SKA1: variants seen among roughly 807,000 people sequenced by gnomAD.
SKA1 encodes SKA complex subunit 1.
SKA1 carries 20 observed loss-of-function variants against 31.8 expected under a neutral mutation model. The observed-to-expected ratio is 0.63, with a 90% confidence interval of 0.44 to 0.91. SKA1 has a LOEUF of 0.91. SKA1 is among the 40% of genes least tolerant of loss of function. The pLI is 0.00. For synonymous variants in SKA1, 88 were observed against 100.5 expected, an observed-to-expected ratio of 0.88 and a Z score of 0.74; for missense variants, 253 against 298.2, an observed-to-expected ratio of 0.85 and a Z score of 1.12.
chr18:50,385,961 C>T (rs889766572), intron 5 of SKA1, among the ~76,000 whole-genome samples: 2 of 151,668 alleles, frequency 1.3e-5, no homozygotes, highest in Admixed American at 6.6e-5. Context: ...TTTTATTATA[C>T]GAATAATACA....
chr18:50,391,063 A>C, intron 5 of SKA1, 61 bp from the exon 6 acceptor site: 1 of 1,241,292 alleles, frequency 8.1e-7, no homozygotes, highest in Non-Finnish European at 1.1e-6. Flanking sequence ...ATGTTTTTCA[A>C]GGAAAGTAAT....
intron 5 of SKA1, among the ~76,000 whole-genome samples, chr18:50,390,135 T>C (rs1323839024): frequency 6.6e-6 from 1 of 152,122 alleles, no homozygotes; most frequent in Non-Finnish European, 1.5e-5. Flanking sequence ...AGCTGGGGTA[T>C]AAGAGTTTGT....
intron 3 of SKA1, among the ~76,000 whole-genome samples, chr18:50,381,633 A>G (rs749683896): frequency 6.6e-6 from 1 of 151,922 alleles, no homozygotes; most frequent in African/African-American, 2.4e-5. Context: ...TATTACCACC[A>G]TCCAAAAACA....
At chr18:50,381,791 T>A (rs2041265441) in intron 3 of SKA1, among the ~76,000 whole-genome samples, 1 of 147,692 alleles carries the variant, frequency 6.8e-6, no homozygotes. Flanking sequence ...AGTGGCGCGA[T>A]CTCAGCTCAC....
intron 2 of SKA1, among the ~76,000 whole-genome samples, chr18:50,378,144 C>T (rs1257348556): frequency 6.6e-6 from 1 of 152,156 alleles, no homozygotes; most frequent in Non-Finnish European, 1.5e-5. Context: ...AATTCACTTT[C>T]TGAGGTTATG....
rs2041344399 is a variant in SKA1, at chr18:50,390,053, T to C, written c.450-1071T>C. On this transcript the variant is annotated intron_variant, in intron 5 of 6. Transcript: ENST00000285116. ...TAAAGTGGAAAACATTGAAGGAGAT[T>C]AGGGATGACTATTGAGGAAATCAAG... Among the ~76,000 whole-genome samples the C allele has an allele frequency of 2.6e-5, 4 of 152,082 alleles. No individual in the cohort carries two copies. In the South Asian group the frequency reaches 8.3e-4, roughly 32 times the overall value.
At chr18:50,384,870 T>TTAAAAAAAAAAAAAAAAAAAAAAAAAA (rs1491587048) in intron 4 of SKA1, among the ~76,000 whole-genome samples, 1 of 61,306 alleles carries the variant, frequency 1.6e-5, no homozygotes, top group Admixed American at 2.0e-4. Flanking sequence ...AAAAAAAAAA[T>TTAAAAAAAAAAAAAAAAAAAAAAAAAA]TAAAAAAAAA....
chr18:50,382,765 G>T (rs1369752825), intron 4 of SKA1, among the ~76,000 whole-genome samples: 2 of 152,210 alleles, frequency 1.3e-5, no homozygotes, highest in African/African-American at 4.8e-5. Flanking sequence ...GGGCACAGTG[G>T]CTCACGCCTA....
At chr18:50,377,577 A>G (rs983471368) in intron 2 of SKA1, among the ~76,000 whole-genome samples, 34 of 152,224 alleles carry the variant, frequency 2.2e-4, no homozygotes, top group African/African-American at 5.5e-4. Context: ...GGATGATGCA[A>G]TGAAAGTTCA....
In SKA1 at chr18:50,389,375, CTTT is replaced by C. The variant is rs756288352; in HGVS notation, c.450-1726_450-1724del. Among the ~76,000 whole-genome samples the C allele has an allele frequency of 9.9e-3, 856 of 86,136 alleles. 7 individuals carry two copies. Among genetic ancestry groups the C allele is most frequent in the African/African-American group, 0.036 (719 of 20,048 alleles). The allele number at this position is 86,136 out of a possible 152,430, so 56.5% of individuals were successfully genotyped here. On this transcript the variant is annotated intron_variant, in intron 5 of 6. Coordinates refer to ENST00000285116, the MANE Select transcript of SKA1 (RefSeq NM_145060.4). ...TCATTTTGTCATTTCCTTTACCTTT[CTTT>C]TTTTTTTTTTTTTTTTTTTTTTACT...
chr18:50,383,421 A>T (rs2041278240), intron 4 of SKA1, among the ~76,000 whole-genome samples: 1 of 152,016 alleles, frequency 6.6e-6, no homozygotes, highest in Non-Finnish European at 1.5e-5. Context: ...ATTCTTACCC[A>T]ACTCCACTGT....
At chr18:50,376,283 G>A (rs780552653) in intron 2 of SKA1, among the ~76,000 whole-genome samples, 4 of 152,192 alleles carry the variant, frequency 2.6e-5, no homozygotes, top group Non-Finnish European at 5.9e-5. Flanking sequence ...TGATTTTGTC[G>A]TTGTGCAAAC....
intron 5 of SKA1, among the ~76,000 whole-genome samples, chr18:50,387,405 C>A (rs552912619): frequency 6.6e-6 from 1 of 152,136 alleles, no homozygotes; most frequent in African/African-American, 2.4e-5. Context: ...AGGTCTTGAG[C>A]CTGTTTTTAA....
chr18:50,376,034 G>C lies in SKA1; in HGVS notation c.88+116G>C, dbSNP rs1055875525. ...GCATCTTAGGTAATTTTAGATTTTTGCATAACGATTTTTTAAATAGTCCAA... is the reference window on the plus strand; with the variant it reads ...GCATCTTAGGTAATTTTAGATTTTTCCATAACGATTTTTTAAATAGTCCAA... On this transcript the variant is annotated intron_variant, in intron 2 of 6. Transcript: ENST00000285116. 2.0e-5 allele frequency: 12 copies of C among 611,288 alleles called. No homozygotes were observed. The Middle Eastern group carries it at 1.2e-3, about 60-fold the overall frequency. 37.9% of individuals were successfully genotyped at this position (611,288 alleles called of 1,614,324 possible).
intron 3 of SKA1, among the ~76,000 whole-genome samples, chr18:50,381,704 C>T (rs1266478921): frequency 4.2e-5 from 6 of 142,900 alleles, no homozygotes; most frequent in Admixed American, 2.1e-4. Context: ...TCTGCATTTT[C>T]GGTACTCCAG....
intron 6 of SKA1, among the ~76,000 whole-genome samples, chr18:50,391,686 C>G (rs1310436036): frequency 1.3e-5 from 2 of 152,324 alleles, no homozygotes; most frequent in South Asian, 2.1e-4. Context: ...TAGCTACTTA[C>G]TGTATGGCAG....
chr18:50,384,871 T>TTAAAAAAAAAAAAAAAAAAAG (rs2041291752), intron 4 of SKA1, among the ~76,000 whole-genome samples: 1 of 82,600 alleles, frequency 1.2e-5, no homozygotes, highest in Non-Finnish European at 2.1e-5. Context: ...AAAAAAAAAT[T>TTAAAAAAAAAAAAAAAAAAAG]AAAAAAAAAA....
intron 5 of SKA1, among the ~76,000 whole-genome samples, chr18:50,388,602 T>C (rs1198779238): frequency 2.6e-5 from 4 of 152,204 alleles, no homozygotes; most frequent in Non-Finnish European, 1.5e-5. Flanking sequence ...ATCTCTGGCC[T>C]GTGACCTTCT....
chr18:50,375,699 T>G, intron 1 of SKA1, 121 bp from the exon 2 acceptor site: 1 of 624,276 alleles, frequency 1.6e-6, no homozygotes, highest in Non-Finnish European at 2.8e-6. Flanking sequence ...CTCTTGAATT[T>G]TTGTGCTTAA....
Sources: allele counts gnomAD v4.1 joint callset (sites outside exome capture counted in the v4.1 genomes callset), GRCh38; gene constraint gnomAD v4.1.1; transcripts MANE v1.5; gene names NCBI Gene and HGNC (gene_info 2026-07-23, HGNC 2026-07-21).